Variants in AKT3 observed in about 807,000 individuals in gnomAD.
AKT3 encodes AKT serine/threonine kinase 3.
A neutral mutation model predicts 65.3 loss-of-function variants in AKT3; 15 were observed. The ratio of observed to expected loss-of-function variants is 0.23; its 90% CI spans 0.15 to 0.35. The LOEUF is 0.35. Among genes scored for constraint, AKT3 ranks in the 10% least tolerant of loss-of-function variants. AKT3 has a pLI of 1.00. For synonymous variants in AKT3, 206 were observed against 183.8 expected, an observed-to-expected ratio of 1.12 and a Z score of -0.98; for missense variants, 243 against 576.5, an observed-to-expected ratio of 0.42 and a Z score of 5.92.
chr1:243,772,061 T>C (rs1012071946), intron 2 of AKT3, among the ~76,000 whole-genome samples: 44 of 152,170 alleles, frequency 2.9e-4, no homozygotes, highest in African/African-American at 9.9e-4. Context: ...AAGACTTAAA[T>C]GTTAGACCTA....
At chr1:243,797,887 C>CTT (rs561166742) in intron 2 of AKT3, among the ~76,000 whole-genome samples, 2 of 141,642 alleles carry the variant, frequency 1.4e-5, no homozygotes, top group African/African-American at 2.6e-5. Flanking sequence ...AACAGTTTTT[C>CTT]TTTTTTTTTT....
chr1:243,625,277 G>A (rs1335418692), intron 6 of AKT3, among the ~76,000 whole-genome samples: 4 of 151,776 alleles, frequency 2.6e-5, no homozygotes, highest in South Asian at 2.1e-4. Flanking sequence ...GATTACAGAC[G>A]CATGCCACCA....
chr1:243,737,945 A>C (rs1365821430), intron 2 of AKT3, among the ~76,000 whole-genome samples: 1 of 152,204 alleles, frequency 6.6e-6, no homozygotes, highest in African/African-American at 2.4e-5. Flanking sequence ...TTCATTTTAA[A>C]GTAATATAGG....
rs548942171 is a variant in AKT3, at chr1:243,657,000, T to C, written c.284+7772A>G. On this transcript the variant is annotated intron_variant, in intron 4 of 13. Coordinates refer to ENST00000673466, the MANE Select transcript of AKT3 (RefSeq NM_005465.7). Reference sequence around the variant, plus strand: ...CTTTAAAACACACAGAAATAATACATAAAACTATCAGAAATGAAGAGATAA... The same window carrying C: ...CTTTAAAACACACAGAAATAATACACAAAACTATCAGAAATGAAGAGATAA... 3.9e-5 allele frequency among the ~76,000 whole-genome samples: 6 copies of C among 152,246 alleles called. 2 individuals carry two copies. The South Asian group carries it at 1.2e-3, about 32-fold the overall frequency.
chr1:243,510,035 G>C (rs1669920759), intron 13 of AKT3, among the ~76,000 whole-genome samples: 2 of 152,142 alleles, frequency 1.3e-5, no homozygotes, highest in Non-Finnish European at 1.5e-5. Flanking sequence ...TGACATTTTA[G>C]AGCCTTCTTA....
At chr1:243,533,443 G>A (rs1254760088) in intron 12 of AKT3, among the ~76,000 whole-genome samples, 1 of 152,100 alleles carries the variant, frequency 6.6e-6, no homozygotes, top group Non-Finnish European at 1.5e-5. Flanking sequence ...CTACACAAGA[G>A]CAAAGTACCT....
intron 2 of AKT3, among the ~76,000 whole-genome samples, chr1:243,755,451 GA>G (rs1558781932): frequency 6.6e-6 from 1 of 152,062 alleles, no homozygotes; most frequent in Non-Finnish European, 1.5e-5. Flanking sequence ...TGAAGCACTG[GA>G]AATTGAGGGT....
intron 11 of AKT3, among the ~76,000 whole-genome samples, chr1:243,550,020 C>T (rs934509846): frequency 1.3e-5 from 2 of 152,200 alleles, no homozygotes; most frequent in South Asian, 2.1e-4. Context: ...CCTAGCTATA[C>T]TCTACATGTA....
At chr1:243,552,123 C>G (rs1673115935) in intron 11 of AKT3, among the ~76,000 whole-genome samples, 1 of 151,664 alleles carries the variant, frequency 6.6e-6, no homozygotes, top group Admixed American at 6.6e-5. Context: ...AACCCCGTCT[C>G]TACTAAAAAC....
chr1:243,687,348 T>C (rs1684395375), intron 3 of AKT3: 1 of 152,098 alleles, frequency 6.6e-6, no homozygotes, highest in Non-Finnish European at 1.5e-5. Context: ...GGCTGGGAGA[T>C]CGTGGAAGCT....
chr1:243,778,225 T>TG (rs780822221), intron 2 of AKT3, among the ~76,000 whole-genome samples: 7 of 151,990 alleles, frequency 4.6e-5, no homozygotes, highest in Non-Finnish European at 1.0e-4. Context: ...GGGAATACAG[T>TG]GAAAAAAATA....
chr1:243,705,125 A>T (rs1685713805), intron 2 of AKT3, among the ~76,000 whole-genome samples: 2 of 152,216 alleles, frequency 1.3e-5, no homozygotes, highest in Admixed American at 1.3e-4. Flanking sequence ...TCTCATTCTA[A>T]TGCATAATGC....
chr1:243,813,720 G>A (rs1305781056), intron 2 of AKT3, among the ~76,000 whole-genome samples: 2 of 152,168 alleles, frequency 1.3e-5, no homozygotes, highest in Non-Finnish European at 2.9e-5. Context: ...CTGTGATTAT[G>A]AATAGCCTAA....
intron 2 of AKT3, among the ~76,000 whole-genome samples, chr1:243,801,430 G>C (rs1042117424): frequency 2.6e-5 from 4 of 152,064 alleles, no homozygotes; most frequent in African/African-American, 9.7e-5. Flanking sequence ...AATGAAACAG[G>C]ACTTGCCATG....
At chr1:243,732,322 T>C (rs1184916137) in intron 2 of AKT3, among the ~76,000 whole-genome samples, 1 of 152,210 alleles carries the variant, frequency 6.6e-6, no homozygotes, top group Non-Finnish European at 1.5e-5. Context: ...AACCACAGCA[T>C]ACCTAAAGCT....
intron 3 of AKT3, among the ~76,000 whole-genome samples, chr1:243,670,658 A>C (rs1374628733): frequency 6.6e-6 from 1 of 152,232 alleles, no homozygotes; most frequent in Admixed American, 6.5e-5. Flanking sequence ...GCATCAGTAA[A>C]GTAAATGTGC....
At chr1:243,759,685 C>G (rs946787164) in intron 2 of AKT3, among the ~76,000 whole-genome samples, 2 of 151,998 alleles carry the variant, frequency 1.3e-5, no homozygotes, top group South Asian at 2.1e-4. Flanking sequence ...TAAATGAGAA[C>G]AGTTATTTAA....
chr1:243,738,184 A>T (rs1181137909), intron 2 of AKT3, among the ~76,000 whole-genome samples: 1 of 152,206 alleles, frequency 6.6e-6, no homozygotes, highest in Non-Finnish European at 1.5e-5. Flanking sequence ...CTACCCTGAC[A>T]ACTGGGTTCC....
At chr1:243,597,980 T>A (rs1676742820) in intron 8 of AKT3, among the ~76,000 whole-genome samples, 1 of 152,212 alleles carries the variant, frequency 6.6e-6, no homozygotes, top group Admixed American at 6.5e-5. Flanking sequence ...TAGAAAAAAA[T>A]TATTCAAAGG....
Sources: allele counts gnomAD v4.1 joint callset (sites outside exome capture counted in the v4.1 genomes callset), GRCh38; gene constraint gnomAD v4.1.1; transcripts MANE v1.5; gene names NCBI Gene and HGNC (gene_info 2026-07-23, HGNC 2026-07-21).